The following TMEM217 variants were observed in gnomAD, a reference collection of about 807,000 sequenced individuals.
TMEM217 encodes transmembrane protein 217, also known as chromosome 6 open reading frame 128.
For synonymous variants in TMEM217, 76 were observed against 88.3 expected (o/e 0.86, Z 0.78); for missense variants, 204 against 248.8 (o/e 0.82, Z 1.21).
intron 1 of TMEM217, among the ~76,000 whole-genome samples, chr6:37,253,014 C>T (rs1475033079): frequency 6.6e-6 from 1 of 152,110 alleles, no homozygotes; most frequent in Non-Finnish European, 1.5e-5. Flanking sequence ...GTATATAATT[C>T]TACCCTCTAC....
At chr6:37,239,755 A>G (rs1009499716) in intron 1 of TMEM217, among the ~76,000 whole-genome samples, 3 of 151,830 alleles carry the variant, frequency 2.0e-5, no homozygotes, top group Non-Finnish European at 4.4e-5. Context: ...GGAAAATAAC[A>G]ATGACAACGA....
At chr6:37,241,266 C>T (rs988035985) in intron 1 of TMEM217, among the ~76,000 whole-genome samples, 5 of 150,552 alleles carry the variant, frequency 3.3e-5, no homozygotes, top group Non-Finnish European at 4.4e-5. Flanking sequence ...TTTTTAGAAA[C>T]GGGGTCTCAC....
At chr6:37,251,308 G>A (rs1183629654) in intron 1 of TMEM217, among the ~76,000 whole-genome samples, 1 of 140,474 alleles carries the variant, frequency 7.1e-6, no homozygotes, top group African/African-American at 2.6e-5. Context: ...CAAAAGGACT[G>A]ACCTATGATA....
intron 1 of TMEM217, among the ~76,000 whole-genome samples, chr6:37,240,792 G>T (rs375572431): frequency 3.9e-5 from 6 of 152,086 alleles, no homozygotes; most frequent in African/African-American, 1.4e-4. Context: ...TCAAATGGTT[G>T]TTACTAATTC....
At chr6:37,258,045 G>C (rs969783228) in exon 1 of TMEM217, 2 of 1,537,164 alleles carry the variant, frequency 1.3e-6, no homozygotes, top group African/African-American at 2.7e-5. Context: ...TGAATCCCGC[G>C]GGCCTGGGGC....
At chr6:37,240,605 G>A (rs1764718563) in intron 1 of TMEM217, among the ~76,000 whole-genome samples, 1 of 152,176 alleles carries the variant, frequency 6.6e-6, no homozygotes, top group South Asian at 2.1e-4. Flanking sequence ...CCCTGCAGGG[G>A]ACTATGGGGA....
chr6:37,243,072 G>C (rs1764857484), intron 1 of TMEM217, among the ~76,000 whole-genome samples: 1 of 152,048 alleles, frequency 6.6e-6, no homozygotes, highest in African/African-American at 2.4e-5. Context: ...TATGATTTAT[G>C]CCCACACTGT....
At chr6:37,251,630 C>T (rs1424925811) in intron 1 of TMEM217, among the ~76,000 whole-genome samples, 3 of 152,156 alleles carry the variant, frequency 2.0e-5, no homozygotes, top group Non-Finnish European at 4.4e-5. Context: ...TTTATGGATA[C>T]ACACATATGT....
intron 1 of TMEM217, among the ~76,000 whole-genome samples, chr6:37,256,256 G>A (rs1765720030): frequency 1.3e-5 from 2 of 152,176 alleles, no homozygotes; most frequent in Admixed American, 1.3e-4. Flanking sequence ...TGCCACCAAG[G>A]TAAGGAATCT....
downstream of TMEM217, among the ~76,000 whole-genome samples, chr6:37,214,022 TC>T (rs1235229967): frequency 6.6e-6 from 1 of 152,170 alleles, no homozygotes. Context: ...ATGGGTCCTG[TC>T]CAGCCAGGCA....
intron 1 of TMEM217, among the ~76,000 whole-genome samples, chr6:37,219,585 A>G (rs564255025): frequency 3.0e-4 from 46 of 152,262 alleles, no homozygotes; most frequent in African/African-American, 1.1e-3. Context: ...TACAAAAATT[A>G]GTCAGGTGTG....
intron 1 of TMEM217, among the ~76,000 whole-genome samples, chr6:37,245,954 C>G (rs369072477): frequency 1.8e-3 from 276 of 152,174 alleles, no homozygotes; most frequent in African/African-American, 5.4e-3. Flanking sequence ...CGTGCACCAC[C>G]AAGCCCGGCT....
At chr6:37,249,333 G>C (rs896425233) in intron 1 of TMEM217, among the ~76,000 whole-genome samples, 1 of 151,684 alleles carries the variant, frequency 6.6e-6, no homozygotes, top group Non-Finnish European at 1.5e-5. Context: ...CTTTTTTTGA[G>C]GGGGGAGACA....
downstream of TMEM217, chr6:37,215,277 T>C (rs187430805): frequency 1.6e-4 from 251 of 1,613,398 alleles, 4 homozygotes; most frequent in Admixed American, 2.1e-3. Flanking sequence ...TATGCTAGTG[T>C]GGAAGCTAGA....
At chr6:37,218,713 A>C in exon 2 of TMEM217, 1 of 1,614,198 alleles carries the variant, frequency 6.2e-7, no homozygotes, top group Non-Finnish European at 8.5e-7. Flanking sequence ...CGACGTTTGC[A>C]GTTTCATAGA....
At chr6:37,237,038 T>C (rs891351400) in intron 1 of TMEM217, among the ~76,000 whole-genome samples, 2 of 152,198 alleles carry the variant, frequency 1.3e-5, no homozygotes, top group African/African-American at 4.8e-5. Context: ...GCAAGCCAGA[T>C]GGAAGCTGTA....
chr6:37,247,035 G>C (rs1765125723), intron 1 of TMEM217, among the ~76,000 whole-genome samples: 1 of 152,184 alleles, frequency 6.6e-6, no homozygotes, highest in South Asian at 2.1e-4. Flanking sequence ...TATGTGACTA[G>C]AGTGGTCCTT....
chr6:37,236,467 AG>A (rs1764509699), intron 1 of TMEM217, among the ~76,000 whole-genome samples: 1 of 152,068 alleles, frequency 6.6e-6, no homozygotes, highest in East Asian at 1.9e-4. Flanking sequence ...TAAGCTAATT[AG>A]TTGTGTTCTG....
chr6:37,221,555 C>T (rs1763524382), intron 1 of TMEM217, among the ~76,000 whole-genome samples: 1 of 152,056 alleles, frequency 6.6e-6, no homozygotes, highest in Non-Finnish European at 1.5e-5. Flanking sequence ...CAAGGTTCAT[C>T]TATGTTATAG....
Sources: allele counts gnomAD v4.1 joint callset (sites outside exome capture counted in the v4.1 genomes callset), GRCh38; gene constraint gnomAD v4.1.1; transcripts MANE v1.5; gene names NCBI Gene and HGNC (gene_info 2026-07-23, HGNC 2026-07-21).